SYNDIG1: variants seen among roughly 807,000 people sequenced by gnomAD.
SYNDIG1 encodes synapse differentiation-inducing gene protein 1.
A neutral mutation model predicts 19.4 loss-of-function variants in SYNDIG1; 9 were observed. The observed-to-expected ratio is 0.46, with a 90% CI of 0.28 to 0.81. The LOEUF (loss-of-function observed/expected upper bound fraction) is 0.81. Ranked by LOEUF, SYNDIG1 falls within the 30% of genes least tolerant of loss-of-function variation. The probability of loss-of-function intolerance (pLI) is 0.12; values close to 1 mark genes in which losing one functional copy is unlikely to be tolerated. For synonymous variants in SYNDIG1, 141 were observed against 145.9 expected, an observed-to-expected ratio of 0.97 and a Z score of 0.24; for missense variants, 311 against 343.3, an observed-to-expected ratio of 0.91 and a Z score of 0.74.
intron 3 of SYNDIG1, among the ~76,000 whole-genome samples, chr20:24,640,943 T>C (rs929972786): frequency 6.6e-6 from 1 of 152,230 alleles, no homozygotes; most frequent in African/African-American, 2.4e-5. Context: ...AAGTGTCCAT[T>C]CATTTTGGTT....
chr20:24,621,378 A>G (rs527670347), intron 3 of SYNDIG1, among the ~76,000 whole-genome samples: 2 of 152,356 alleles, frequency 1.3e-5, no homozygotes, highest in East Asian at 3.9e-4. Flanking sequence ...GCACATGGTA[A>G]ACACCAATTT....
intron 3 of SYNDIG1, among the ~76,000 whole-genome samples, chr20:24,656,074 G>A (rs901465795): frequency 2.6e-5 from 4 of 152,198 alleles, no homozygotes; most frequent in Non-Finnish European, 4.4e-5. Context: ...CTGAGGATGA[G>A]GGACAGTGAG....
intron 2 of SYNDIG1, among the ~76,000 whole-genome samples, chr20:24,562,778 T>A (rs1600635408): frequency 6.6e-6 from 1 of 152,210 alleles, no homozygotes; most frequent in Non-Finnish European, 1.5e-5. Flanking sequence ...TGTGGGTGAG[T>A]AGAGACCTGT....
intron 3 of SYNDIG1, among the ~76,000 whole-genome samples, chr20:24,640,516 A>AGGAT (rs2059365499): frequency 2.9e-5 from 4 of 139,150 alleles, no homozygotes; most frequent in African/African-American, 1.0e-4. Context: ...GAAGGAAGGA[A>AGGAT]GGAAGGAAGG....
intron 3 of SYNDIG1, among the ~76,000 whole-genome samples, chr20:24,634,035 C>T (rs2059287674): frequency 6.6e-6 from 1 of 152,174 alleles, no homozygotes; most frequent in Non-Finnish European, 1.5e-5. Flanking sequence ...ATAGTGTACT[C>T]AACTTGGAAA....
At chr20:24,594,267 T>C (rs1252288257) in intron 3 of SYNDIG1, among the ~76,000 whole-genome samples, 2 of 152,198 alleles carry the variant, frequency 1.3e-5, no homozygotes, top group Non-Finnish European at 2.9e-5. Context: ...CAGACAGTTA[T>C]CCTATCACCA....
At position 24,617,651 on chromosome 20, in the gene SYNDIG1, GA is replaced by G. The variant is rs1398428703; in HGVS notation, c.618+32659del. Reference sequence around the variant, plus strand: ...CCCGGGGGTGCATTTTGTCCTCTGAGATTTACCACAAGGAAGCCCCCCAAAA... The same window carrying G: ...CCCGGGGGTGCATTTTGTCCTCTGAGTTTACCACAAGGAAGCCCCCCAAAA... On this transcript the variant is annotated intron_variant, in intron 3 of 3. Transcript: ENST00000376862. 5.9e-5 allele frequency among the ~76,000 whole-genome samples: 9 copies of G among 152,074 alleles called. No individual in the cohort carries two copies. The South Asian group carries it at 6.2e-4, about 11-fold the overall frequency.
intron 3 of SYNDIG1, among the ~76,000 whole-genome samples, chr20:24,632,122 T>C (rs948434141): frequency 6.6e-6 from 1 of 152,206 alleles, no homozygotes; most frequent in African/African-American, 2.4e-5. Flanking sequence ...TCTGTGGAAG[T>C]GGGGGCTGTG....
chr20:24,593,330 G>A (rs184738298), intron 3 of SYNDIG1, among the ~76,000 whole-genome samples: 27 of 152,272 alleles, frequency 1.8e-4, no homozygotes, highest in Admixed American at 1.5e-3. Flanking sequence ...GTTCATTTAG[G>A]ATTATGGCTT....
chr20:24,643,941 C>T (rs1463345092), intron 3 of SYNDIG1, among the ~76,000 whole-genome samples: 1 of 152,210 alleles, frequency 6.6e-6, no homozygotes, highest in African/African-American at 2.4e-5. Context: ...AAAACAGACA[C>T]ATCATCAAAA....
intron 3 of SYNDIG1, among the ~76,000 whole-genome samples, chr20:24,655,494 G>T (rs2059515903): frequency 6.6e-6 from 1 of 152,174 alleles, no homozygotes; most frequent in South Asian, 2.1e-4. Context: ...AATTAAATAT[G>T]TTTAACTCCT....
At chr20:24,581,628 G>A (rs969392290) in intron 2 of SYNDIG1, among the ~76,000 whole-genome samples, 2 of 152,038 alleles carry the variant, frequency 1.3e-5, no homozygotes, top group African/African-American at 2.4e-5. Flanking sequence ...GAGTGGAGTC[G>A]ACAGGGCCGT....
intron 3 of SYNDIG1, among the ~76,000 whole-genome samples, chr20:24,651,099 A>G (rs1351563861): frequency 1.3e-5 from 2 of 152,050 alleles, no homozygotes; most frequent in Non-Finnish European, 2.9e-5. Flanking sequence ...CTGCCTCCTT[A>G]TATTCATATG....
chr20:24,519,604 A>G (rs1046635616), intron 1 of SYNDIG1, among the ~76,000 whole-genome samples: 1 of 152,218 alleles, frequency 6.6e-6, no homozygotes, highest in Non-Finnish European at 1.5e-5. Flanking sequence ...ACCCTCTTCC[A>G]CAAAATGGAT....
chr20:24,505,806 A>G (rs2056577929), intron 1 of SYNDIG1, among the ~76,000 whole-genome samples: 1 of 152,246 alleles, frequency 6.6e-6, no homozygotes, highest in Admixed American at 6.5e-5. Context: ...CCCTTGCAGC[A>G]CTTGAAGCAA....
intron 1 of SYNDIG1, among the ~76,000 whole-genome samples, chr20:24,515,268 C>T (rs1278947904): frequency 6.6e-6 from 1 of 152,242 alleles, no homozygotes; most frequent in East Asian, 1.9e-4. Flanking sequence ...CAAGAAATAA[C>T]TAAGATCAGA....
chr20:24,556,971 A>G (rs1000685807), intron 2 of SYNDIG1, among the ~76,000 whole-genome samples: 2 of 152,118 alleles, frequency 1.3e-5, no homozygotes, highest in South Asian at 2.1e-4. Context: ...GTCTTTTCAC[A>G]TAGTCCCATA....
intron 1 of SYNDIG1, among the ~76,000 whole-genome samples, chr20:24,525,117 T>A (rs2057093953): frequency 6.6e-6 from 1 of 152,114 alleles, no homozygotes; most frequent in African/African-American, 2.4e-5. Context: ...ATTTTTATAT[T>A]TTGTTATGAT....
chr20:24,518,906 C>A (rs1323591313), intron 1 of SYNDIG1, among the ~76,000 whole-genome samples: 1 of 152,226 alleles, frequency 6.6e-6, no homozygotes, highest in African/African-American at 2.4e-5. Context: ...CAGACACACC[C>A]CGAGGAAGCA....
Sources: allele counts gnomAD v4.1 joint callset (sites outside exome capture counted in the v4.1 genomes callset), GRCh38; gene constraint gnomAD v4.1.1; transcripts MANE v1.5; gene names NCBI Gene and HGNC (gene_info 2026-07-23, HGNC 2026-07-21).